The following PPARGC1B variants were observed in gnomAD, a reference collection of about 807,000 sequenced individuals.
PPARGC1B encodes peroxisome proliferator-activated receptor gamma coactivator 1-beta.
Under a neutral mutation model 101.6 loss-of-function variants are expected in PPARGC1B, and 34 were observed. The observed-to-expected ratio is 0.33, with a 90% CI of 0.25 to 0.45. The LOEUF is 0.45. Ranked by LOEUF, PPARGC1B falls within the 20% of genes least tolerant of loss-of-function variation. PPARGC1B has a pLI of 1.00. For missense variants in PPARGC1B, 1,234 were observed against 1,317.6 expected, an observed-to-expected ratio of 0.94 and a Z score of 0.98; for synonymous variants, 548 against 539.3, an observed-to-expected ratio of 1.02 and a Z score of -0.22.
At chr5:149,812,096 A>G (rs1757887042) in intron 1 of PPARGC1B, among the ~76,000 whole-genome samples, 1 of 152,178 alleles carries the variant, frequency 6.6e-6, no homozygotes, top group Non-Finnish European at 1.5e-5. Flanking sequence ...ACCAAGGTTG[A>G]GCTCTGCAAG....
chr5:149,769,707 T>C (rs753875761), intron 1 of PPARGC1B, among the ~76,000 whole-genome samples: 1 of 152,162 alleles, frequency 6.6e-6, no homozygotes, highest in Non-Finnish European at 1.5e-5. Context: ...TGGGCTGAAG[T>C]GAGGGTGTGG....
intron 11 of PPARGC1B, chr5:149,846,654 A>C (rs1189676858): frequency 1.3e-5 from 2 of 152,450 alleles, no homozygotes; most frequent in South Asian, 2.1e-4. Context: ...AAAAAAAAAA[A>C]AACACTTACT....
chr5:149,807,587 T>A (rs1309530383), intron 1 of PPARGC1B, among the ~76,000 whole-genome samples: 3 of 152,146 alleles, frequency 2.0e-5, no homozygotes, highest in African/African-American at 7.2e-5. Context: ...TTTCACTAAC[T>A]TCACTCCTTT....
At chr5:149,795,123 A>G (rs1168163759) in intron 1 of PPARGC1B, among the ~76,000 whole-genome samples, 1 of 152,222 alleles carries the variant, frequency 6.6e-6, no homozygotes, top group Non-Finnish European at 1.5e-5. Flanking sequence ...CTGCTGTTCT[A>G]TAATTCTGGC....
intron 1 of PPARGC1B, among the ~76,000 whole-genome samples, chr5:149,759,434 G>A (rs1201675327): frequency 1.3e-5 from 2 of 152,132 alleles, no homozygotes; most frequent in Non-Finnish European, 2.9e-5. Flanking sequence ...AAGCAGAGGG[G>A]CCTAGTACTG....
chr5:149,817,790 C>T (rs1203816464), intron 1 of PPARGC1B: 2 of 456,592 alleles, frequency 4.4e-6, no homozygotes, highest in South Asian at 1.5e-5. Context: ...TGAGTGTTCT[C>T]TCATTGTGGA....
chr5:149,806,752 C>T (rs932897739), intron 1 of PPARGC1B, among the ~76,000 whole-genome samples: 3 of 151,902 alleles, frequency 2.0e-5, no homozygotes, highest in Admixed American at 1.3e-4. Context: ...GGATTATAGG[C>T]ACCCACCACC....
chr5:149,842,018 T>C (rs1426501186), intron 9 of PPARGC1B, among the ~76,000 whole-genome samples: 2 of 152,218 alleles, frequency 1.3e-5, no homozygotes, highest in Non-Finnish European at 2.9e-5. Context: ...TCTTTGCTCA[T>C]TTCCTTCATG....
At chr5:149,810,457 A>T (rs1757810896) in intron 1 of PPARGC1B, among the ~76,000 whole-genome samples, 1 of 152,178 alleles carries the variant, frequency 6.6e-6, no homozygotes, top group Non-Finnish European at 1.5e-5. Flanking sequence ...TGGGCTCTGC[A>T]CAGCCACCTG....
chr5:149,797,000 C>G (rs1312963889), intron 1 of PPARGC1B, among the ~76,000 whole-genome samples: 1 of 152,212 alleles, frequency 6.6e-6, no homozygotes, highest in African/African-American at 2.4e-5. Context: ...CTAACTGCAG[C>G]TTATCCCTCT....
At chr5:149,825,352 G>A (rs576073505) in intron 2 of PPARGC1B, among the ~76,000 whole-genome samples, 47 of 152,364 alleles carry the variant, frequency 3.1e-4, no homozygotes, top group African/African-American at 9.4e-4. Flanking sequence ...AGAATCGTGC[G>A]CCCCTGGGCG....
At chr5:149,786,265 G>C (rs373975826) in intron 1 of PPARGC1B, among the ~76,000 whole-genome samples, 1 of 152,076 alleles carries the variant, frequency 6.6e-6, no homozygotes, top group East Asian at 1.9e-4. Flanking sequence ...GCTAATTTTT[G>C]TATATTTTTT....
chr5:149,783,189 A>G (rs1397567507), intron 1 of PPARGC1B, among the ~76,000 whole-genome samples: 1 of 152,150 alleles, frequency 6.6e-6, no homozygotes, highest in Non-Finnish European at 1.5e-5. Context: ...CCAGAGGCCA[A>G]TTAGTTAATT....
At chr5:149,840,187 C>A in intron 9 of PPARGC1B, 71 bp downstream of exon 9, 1 of 1,455,500 alleles carries the variant, frequency 6.9e-7, no homozygotes, top group Non-Finnish European at 9.3e-7. Flanking sequence ...GCTTCATGGA[C>A]CAAAGCCTTT....
At chr5:149,752,270 C>T (rs1173043782) in intron 1 of PPARGC1B, among the ~76,000 whole-genome samples, 1 of 152,206 alleles carries the variant, frequency 6.6e-6, no homozygotes, top group African/African-American at 2.4e-5. Context: ...GGCATTTAAA[C>T]TCAGCCTTCC....
chr5:149,836,836 A>ACAGAAG lies in PPARGC1B; in HGVS notation c.2384_2385insAAGCAG (p.Asp794_Ser795insArgSer), dbSNP rs756360054. The ACAGAAG allele has an allele frequency of 2.5e-6, 4 of 1,612,952 alleles. No homozygotes were observed. The highest frequency in any genetic ancestry group is 1.3e-5 in the African/African-American group (1 of 74,922). On this transcript the variant is annotated inframe_insertion, in exon 8 of 12. Transcript: ENST00000309241. ...CCTGAGTATGACACTGTCTTTGAAG[A>ACAGAAG]CAGCAGCAGCAGCAGCGGCGAGAGC...
intron 11 of PPARGC1B, chr5:149,846,311 TGAA>T (rs1759555118): frequency 7.4e-6 from 3 of 406,380 alleles, no homozygotes; most frequent in African/African-American, 6.0e-5. Flanking sequence ...GACAAGATGA[TGAA>T]GAAGGACAAA....
chr5:149,757,856 G>C (rs535297924), intron 1 of PPARGC1B, among the ~76,000 whole-genome samples: 1 of 152,344 alleles, frequency 6.6e-6, no homozygotes, highest in South Asian at 2.1e-4. Flanking sequence ...TCACAGGGCT[G>C]GAGCCCACAG....
chr5:149,748,649 A>G (rs1401044505), intron 1 of PPARGC1B, among the ~76,000 whole-genome samples: 1 of 152,184 alleles, frequency 6.6e-6, no homozygotes, highest in Non-Finnish European at 1.5e-5. Context: ...GCTGGCCAAC[A>G]TGATGGGAGG....
Sources: allele counts gnomAD v4.1 joint callset (sites outside exome capture counted in the v4.1 genomes callset), GRCh38; gene constraint gnomAD v4.1.1; transcripts MANE v1.5; gene names NCBI Gene and HGNC (gene_info 2026-07-23, HGNC 2026-07-21).